INTU: variants seen among roughly 807,000 people sequenced by gnomAD.
INTU encodes inturned planar cell polarity protein, also known as protein inturned.
INTU carries 68 observed loss-of-function variants against 100.5 expected under a neutral mutation model. The observed-to-expected ratio is 0.68, with a 90% CI of 0.56 to 0.83. The LOEUF (loss-of-function observed/expected upper bound fraction) is 0.83, where lower values mean the gene tolerates loss of function less well. INTU is among the 40% of genes least tolerant of loss of function. The pLI is 0.00. For missense variants in INTU, 1,071 were observed against 1,114.7 expected (o/e 0.96, Z 0.56); for synonymous variants, 357 against 395.7 (o/e 0.90, Z 1.16).
At chr4:127,714,233 T>A in intron 15 of INTU, 140 bp downstream of exon 15, 1 of 547,638 alleles carries the variant, frequency 1.8e-6, no homozygotes. Flanking sequence ...TTTTATTTGC[T>A]AAGTATCTCC....
chr4:127,649,985 GAT>G (rs1407071710), intron 2 of INTU, among the ~76,000 whole-genome samples: 13 of 151,984 alleles, frequency 8.6e-5, no homozygotes, highest in Admixed American at 2.0e-4. Context: ...TTTTAACACT[GAT>G]ATTTATTTTA....
In INTU at chr4:127,725,919, T is replaced by C. The variant is rs772977855; in HGVS notation, c.*9483T>C. ...GATTATCAGACAATAAAGTGCCTGT[T>C]ACTTTATTAAATAAAGGGGGACAGG... On this transcript the variant is annotated 3_prime_UTR_variant, in exon 16 of 16. Coordinates refer to ENST00000335251, the MANE Select transcript of INTU (RefSeq NM_015693.4). The C allele has an allele frequency of 3.9e-5, 6 of 152,224 alleles. No homozygotes were observed. Among genetic ancestry groups the C allele is most frequent in the Non-Finnish European group, 8.8e-5 (6 of 68,030 alleles). 9.4% of individuals were successfully genotyped at this position (152,224 alleles called of 1,614,324 possible). A position where few individuals can be genotyped will look rare whatever the true frequency, so the allele number is the denominator to read the frequency against.
chr4:127,716,210 A>AT (rs1731256761), intron 15 of INTU, 115 bp from the exon 16 acceptor site: 1 of 526,878 alleles, frequency 1.9e-6, no homozygotes, highest in African/African-American at 1.9e-5. Flanking sequence ...AGATTCATGG[A>AT]TTTTAAATTT....
rs879376281 is a variant in INTU at position 127,719,830 on chromosome 4, C to G, written c.*3394C>G. 1 of 151,788 alleles carries G rather than the reference C, an allele frequency of 6.6e-6. No individual in the cohort carries two copies. Among genetic ancestry groups the G allele is most frequent in the Non-Finnish European group, 1.5e-5 (1 of 67,950 alleles). The allele number at this position is 151,788 out of a possible 1,614,324, so 9.4% of individuals were successfully genotyped here. On this transcript the variant is annotated 3_prime_UTR_variant, in exon 16 of 16. Coordinates refer to ENST00000335251, the MANE Select transcript of INTU (RefSeq NM_015693.4). ...TTTCCATGGGATCAGTGGTAATATC[C>G]CCTTTATCATTTTTTATTGTGTCTA...
At chr4:127,647,524 C>T (rs1727642737) in intron 2 of INTU, among the ~76,000 whole-genome samples, 1 of 152,154 alleles carries the variant, frequency 6.6e-6, no homozygotes, top group South Asian at 2.1e-4. Context: ...TTCGGATAAT[C>T]CAGGACAGTC....
chr4:127,687,424 T>G (rs573906808), intron 7 of INTU: 43 of 231,444 alleles, frequency 1.9e-4, no homozygotes, highest in African/African-American at 9.4e-4. Context: ...ATGTCACTTG[T>G]GTTAGCCCTG....
intron 2 of INTU, among the ~76,000 whole-genome samples, chr4:127,649,684 G>A (rs748670049): frequency 2.0e-5 from 3 of 152,104 alleles, no homozygotes; most frequent in Non-Finnish European, 4.4e-5. Context: ...TACTTAGCCT[G>A]TATACATGTT....
At chr4:127,639,806 T>G (rs6534631) in intron 1 of INTU, among the ~76,000 whole-genome samples, 2 of 151,868 alleles carry the variant, frequency 1.3e-5, no homozygotes, top group Admixed American at 6.6e-5. Context: ...AATTTTGAAA[T>G]ATACACTATA....
chr4:127,640,609 A>G (rs1300899256), intron 1 of INTU, among the ~76,000 whole-genome samples: 1 of 132,530 alleles, frequency 7.5e-6, no homozygotes, highest in Admixed American at 7.9e-5. Context: ...ATAAACACAC[A>G]TGTGTATATT....
chr4:127,666,493 A>C (rs1728704160), intron 4 of INTU, among the ~76,000 whole-genome samples: 1 of 152,158 alleles, frequency 6.6e-6, no homozygotes, highest in South Asian at 2.1e-4. Context: ...GGCTTAATAC[A>C]GTGGTTCTAG....
At chr4:127,646,250 A>G (rs1727583465) in intron 2 of INTU, among the ~76,000 whole-genome samples, 1 of 152,030 alleles carries the variant, frequency 6.6e-6, no homozygotes, top group South Asian at 2.1e-4. Context: ...AACAGGGGCT[A>G]ATACATACTT....
At chr4:127,670,129 T>C (rs374456398) in intron 5 of INTU, among the ~76,000 whole-genome samples, 9 of 151,984 alleles carry the variant, frequency 5.9e-5, no homozygotes, top group Admixed American at 2.0e-4. Context: ...AGGAAAAGGC[T>C]CAAAGCTTTT....
intron 5 of INTU, among the ~76,000 whole-genome samples, chr4:127,672,921 G>T (rs1728999495): frequency 6.6e-6 from 1 of 152,134 alleles, no homozygotes. Context: ...CTGAACATAT[G>T]TAAAATGTAC....
rs752129204 is a variant in INTU at position 127,706,825 on chromosome 4, T to C, written c.2127T>C (p.Pro709=). The C allele has an allele frequency of 8.1e-6, 13 of 1,614,018 alleles. No homozygotes were observed. The Admixed American group carries it at 1.8e-4, about 23-fold the overall frequency. The change falls in exon 12 of 16, where the codon CCT becomes CCC. Residue 709 remains proline, a synonymous_variant. Transcript: ENST00000335251. ...DYSLKTRKPS[P]SCSSGGSDNG... ...CCTTAAAGACACGCAAGCCTAGTCC[T>C]TCCTGTAGTAGTGGAGGATCTGACA...
chr4:127,699,408 G>T (rs1200408931), intron 8 of INTU: 2 of 152,106 alleles, frequency 1.3e-5, no homozygotes, highest in Non-Finnish European at 2.9e-5. Context: ...ACTCTGTGGG[G>T]TAGTTGAACT....
intron 3 of INTU, among the ~76,000 whole-genome samples, chr4:127,661,507 C>T (rs936762102): frequency 1.1e-4 from 17 of 152,140 alleles, no homozygotes; most frequent in Non-Finnish European, 2.9e-5. Context: ...CTCATAGACA[C>T]TCCAGCTTCA....
rs772920778 is a variant in INTU at position 127,704,215 on chromosome 4, AT to A, written c.1504-8del. 97 of 1,599,720 alleles carry A rather than the reference AT, an allele frequency of 6.1e-5. No homozygotes were observed. In the Middle Eastern group the frequency reaches 1.3e-3, roughly 22 times the overall value. Reference sequence around the variant, plus strand: ...AATAAAAATATAAAATCCACTATGAATTTTTCCCCCAGTCCGAGGATTACTA... The same window carrying A: ...AATAAAAATATAAAATCCACTATGAATTTTCCCCCAGTCCGAGGATTACTA... On this transcript the variant is annotated splice_polypyrimidine_tract_variant and intron_variant, in intron 9 of 15. Coordinates refer to ENST00000335251, the MANE Select transcript of INTU (RefSeq NM_015693.4).
Position 127,632,985 on chromosome 4 carries a change from A to G in INTU, c.-50A>G, listed in dbSNP as rs746233974. On this transcript the variant is annotated 5_prime_UTR_variant, in exon 1 of 16. Coordinates refer to ENST00000335251, the MANE Select transcript of INTU (RefSeq NM_015693.4). Reference sequence around the variant, plus strand: ...GGCAACATGGCGGCCTTAGCAAGCTATAGCTGCGAGATTTGAATTACTCCA... The same window carrying G: ...GGCAACATGGCGGCCTTAGCAAGCTGTAGCTGCGAGATTTGAATTACTCCA... The G allele has an allele frequency of 1.5e-5, 23 of 1,577,186 alleles. No homozygotes were observed. Among genetic ancestry groups the G allele is most frequent in the South Asian group, 1.0e-4 (9 of 88,244 alleles).
At chr4:127,639,976 C>G (rs929188347) in intron 1 of INTU, among the ~76,000 whole-genome samples, 12 of 152,130 alleles carry the variant, frequency 7.9e-5, no homozygotes, top group Admixed American at 7.9e-4. Flanking sequence ...GAATATTGAC[C>G]TGTAGGGTCC....
Sources: gnomAD v4.1 joint callset for allele counts (sites outside exome capture counted in the v4.1 genomes callset) on GRCh38, gnomAD v4.1.1 for gene constraint, MANE v1.5 for transcripts, NCBI Gene and HGNC (gene_info 2026-07-23, HGNC 2026-07-21) for gene names.